Variants in RFC1 observed in about 807,000 individuals in gnomAD.
The protein encoded by RFC1 is replication factor C subunit 1.
A neutral mutation model predicts 137.4 loss-of-function variants in RFC1; 37 were observed. The ratio of observed to expected loss-of-function variants is 0.27; its 90% CI spans 0.21 to 0.35. The LOEUF (loss-of-function observed/expected upper bound fraction) is 0.35. RFC1 is among the 10% of genes least tolerant of loss of function. The probability of loss-of-function intolerance (pLI) is 1.00; values close to 1 mark genes in which losing one functional copy is unlikely to be tolerated. For synonymous variants in RFC1, 429 were observed against 455.7 expected, an observed-to-expected ratio of 0.94 and a Z score of 0.75; for missense variants, 1,205 against 1,358.5, an observed-to-expected ratio of 0.89 and a Z score of 1.78.
intron 4 of RFC1, among the ~76,000 whole-genome samples, chr4:39,335,476 C>G (rs1279072241): frequency 6.6e-6 from 1 of 152,130 alleles, no homozygotes; most frequent in African/African-American, 2.4e-5. Context: ...TAGAATCAAA[C>G]AGAGTCAGTT....
chr4:39,312,699 T>C (rs1215372395), intron 11 of RFC1, 53 bp downstream of exon 11: 4 of 1,500,768 alleles, frequency 2.7e-6, no homozygotes, highest in Non-Finnish European at 3.7e-6. Context: ...ACATCAAGAG[T>C]GTGCCAAGGC....
chr4:39,325,954 G>A (rs1013725408), intron 6 of RFC1, among the ~76,000 whole-genome samples: 1 of 152,144 alleles, frequency 6.6e-6, no homozygotes, highest in East Asian at 1.9e-4. Context: ...GGCTGGGTGT[G>A]GTGGCTCACA....
Position 39,288,845 on chromosome 4 carries a change from C to CTGTT in RFC1, c.3361-5_3361-2dup. On this transcript the variant is annotated splice_acceptor_variant, in intron 24 of 24. Coordinates refer to ENST00000349703, the MANE Select transcript of RFC1 (RefSeq NM_002913.5). LOFTEE classifies it high-confidence loss of function. ...AAGGCTTTGAAGATTTTGTCTTTTTCTGTTAGGGGGAAGATAACAAAATAG... is the reference window on the plus strand; with the variant it reads ...AAGGCTTTGAAGATTTTGTCTTTTTCTGTTTGTTAGGGGGAAGATAACAAAATAG... 7 of 1,591,186 alleles carry CTGTT rather than the reference C, an allele frequency of 4.4e-6. No individual in the cohort carries two copies. Among genetic ancestry groups the CTGTT allele is most frequent in the Non-Finnish European group, 6.0e-6 (7 of 1,162,368 alleles).
intron 1 of RFC1, among the ~76,000 whole-genome samples, chr4:39,351,728 G>A (rs1489919221): frequency 6.6e-6 from 1 of 152,120 alleles, no homozygotes; most frequent in East Asian, 1.9e-4. Context: ...TTGGGAGGCC[G>A]AGGTGGGTGG....
chr4:39,345,417 C>CCT lies in RFC1; in HGVS notation c.190_191dup (p.Ile65GlyfsTer16). ...AATTATTACCTGAATCATAGATGAT[C>CCT]CTCTTTTTCTTGCTTGGTTGCTTTT... On this transcript the variant is annotated frameshift_variant, in exon 3 of 25. Transcript: ENST00000349703. LOFTEE classifies it high-confidence loss of function. 1 of 1,613,840 alleles carries CCT rather than the reference C, an allele frequency of 6.2e-7. No homozygotes were observed. The highest frequency in any genetic ancestry group is 8.5e-7 in the Non-Finnish European group (1 of 1,179,848).
At chr4:39,363,460 T>G (rs1274997024) in intron 1 of RFC1, among the ~76,000 whole-genome samples, 1 of 152,238 alleles carries the variant, frequency 6.6e-6, no homozygotes, top group African/African-American at 2.4e-5. Flanking sequence ...AGTTTTCTCA[T>G]TTTTATAAAG....
chr4:39,343,779 T>C (rs1246749620), intron 3 of RFC1, among the ~76,000 whole-genome samples: 3 of 152,184 alleles, frequency 2.0e-5, no homozygotes, highest in Non-Finnish European at 4.4e-5. Context: ...TGTGAAAATT[T>C]TGACAATCCT....
At chr4:39,302,039 G>A (rs1738386319) in intron 19 of RFC1, among the ~76,000 whole-genome samples, 1 of 152,148 alleles carries the variant, frequency 6.6e-6, no homozygotes, top group African/African-American at 2.4e-5. Context: ...AATTGTTGAA[G>A]CATAAGTATA....
intron 6 of RFC1, among the ~76,000 whole-genome samples, chr4:39,325,891 T>A (rs2109682218): frequency 6.6e-6 from 1 of 152,304 alleles, no homozygotes; most frequent in East Asian, 1.9e-4. Flanking sequence ...CCAAAGTAAT[T>A]TTCTTTTAAG....
intron 1 of RFC1, 65 bp downstream of exon 1, chr4:39,366,174 G>A: frequency 3.9e-6 from 6 of 1,527,362 alleles, no homozygotes; most frequent in Non-Finnish European, 5.3e-6. Flanking sequence ...AGGAGTGCCC[G>A]GTCCACACCA....
chr4:39,306,881 C>G (rs1324688108), intron 13 of RFC1, among the ~76,000 whole-genome samples, 180 bp from the exon 14 acceptor site: 2 of 152,174 alleles, frequency 1.3e-5, no homozygotes, highest in Non-Finnish European at 2.9e-5. Flanking sequence ...TGAAATTCTA[C>G]TTCCTACCTC....
Position 39,326,600 on chromosome 4 carries a change from G to A in RFC1, c.605C>T (p.Ala202Val), listed in dbSNP as rs780132979. 6.2e-6 allele frequency: 10 copies of A among 1,613,062 alleles called. No individual in the cohort carries two copies. The South Asian group carries it at 9.9e-5, about 16-fold the overall frequency. The change falls in exon 6 of 25, where the codon GCC (alanine) becomes GTC (valine). Residue 202 changes from alanine to valine, a missense_variant. Ala to Val is a moderately conservative substitution (Grantham distance 64, BLOSUM62 0). Transcript: ENST00000349703. ...ATCAAGCTGTAATTGCTTGGCGATGGCTTCATCATTTAATCCAGACTCATC... is the reference window on the plus strand; with the variant it reads ...ATCAAGCTGTAATTGCTTGGCGATGACTTCATCATTTAATCCAGACTCATC... ...NTDESGLNDE[A>V]IAKQLQLDED...
At chr4:39,348,430 A>AAAGGAAAGG (rs1740985191) in intron 2 of RFC1, among the ~76,000 whole-genome samples, 2 of 39,638 alleles carry the variant, frequency 5.0e-5, no homozygotes, top group Non-Finnish European at 1.3e-4. Flanking sequence ...TTCAAAAAAG[A>AAAGGAAAGG]AAAGAAAAGA....
chr4:39,301,091 AAAAAAAAAACC>A lies in RFC1; in HGVS notation c.2536-688_2536-678del, dbSNP rs1387276380. Reference sequence around the variant, plus strand: ...CTGGGTGACAAAGCAAGACTCCGAAAAAAAAAAAACCAAAAAAAACAAAAACAAAAACAAAA... The same window carrying A: ...CTGGGTGACAAAGCAAGACTCCGAAAAAAAAAAACAAAAACAAAAACAAAA... On this transcript the variant is annotated intron_variant, in intron 19 of 24. Transcript: ENST00000349703. Among the ~76,000 whole-genome samples the A allele has an allele frequency of 4.6e-5, 7 of 151,684 alleles. No individual in the cohort carries two copies. In the South Asian group the frequency reaches 1.5e-3, roughly 32 times the overall value.
At chr4:39,325,781 C>T (rs1477863140) in intron 6 of RFC1, among the ~76,000 whole-genome samples, 1 of 152,224 alleles carries the variant, frequency 6.6e-6, no homozygotes, top group Non-Finnish European at 1.5e-5. Flanking sequence ...TTCTCACTGC[C>T]TTTTCCTATT....
At chr4:39,320,046 C>T (rs1739434090) in intron 9 of RFC1, among the ~76,000 whole-genome samples, 1 of 152,166 alleles carries the variant, frequency 6.6e-6, no homozygotes, top group Admixed American at 6.5e-5. Flanking sequence ...GAATACTGTA[C>T]TCCCTAGAAA....
At chr4:39,351,512 T>C (rs1466970462) in intron 1 of RFC1, 36 bp from the exon 2 acceptor site, 2 of 1,490,994 alleles carry the variant, frequency 1.3e-6, no homozygotes, top group South Asian at 1.3e-5. Context: ...CGAATAAACA[T>C]TAACCGCATA....
Position 39,329,395 on chromosome 4 carries a change from G to C in RFC1, c.332-1639C>G, listed in dbSNP as rs141932168. On this transcript the variant is annotated intron_variant, in intron 4 of 24. Transcript: ENST00000349703. ...ACTTCAGGTCAGGAGTTCAAGACCA[G>C]CCTGGTCAACATGGTGAAACCCCAT... Among the ~76,000 whole-genome samples the C allele has an allele frequency of 8.3e-3, 1,254 of 151,814 alleles. 19 individuals are homozygous for C. The highest frequency in any genetic ancestry group is 0.027 in the African/African-American group (1,133 of 41,392).
At chr4:39,345,302 T>C (rs927214044) in intron 3 of RFC1, 99 bp downstream of exon 3, 4 of 979,278 alleles carry the variant, frequency 4.1e-6, no homozygotes, top group Non-Finnish European at 4.5e-6. Context: ...ATTACAGGCA[T>C]GAGCCACCGC....
Sources: allele counts gnomAD v4.1 joint callset (sites outside exome capture counted in the v4.1 genomes callset), GRCh38; gene constraint gnomAD v4.1.1; transcripts MANE v1.5; gene names NCBI Gene and HGNC (gene_info 2026-07-23, HGNC 2026-07-21).